Variants in PTPRT observed in about 807,000 individuals in gnomAD.
PTPRT encodes receptor-type tyrosine-protein phosphatase T.
A neutral mutation model predicts 176.8 loss-of-function variants in PTPRT; 56 were observed. That is an observed-to-expected ratio of 0.32 (90% CI 0.26 to 0.40). PTPRT has a LOEUF of 0.40. Among genes scored for constraint, PTPRT ranks in the 10% least tolerant of loss-of-function variants. The pLI is 1.00. For missense variants in PTPRT, 1,540 were observed against 1,908.2 expected (o/e 0.81, Z 3.60); for synonymous variants, 783 against 739.0 (o/e 1.06, Z -0.96).
At chr20:42,132,457 C>G (rs540875013) in intron 18 of PTPRT, among the ~76,000 whole-genome samples, 8 of 152,112 alleles carry the variant, frequency 5.3e-5, no homozygotes, top group Admixed American at 1.3e-4. Flanking sequence ...AAATACACAA[C>G]AAACTCTTAA....
chr20:42,509,072 C>T (rs230167), intron 7 of PTPRT, among the ~76,000 whole-genome samples: 165 of 1,878 alleles, frequency 0.088, 51 homozygotes, highest in African/African-American at 0.64. Flanking sequence ...AGATATAAAT[C>T]ATATAATTTA....
the PTPRT span, among the ~76,000 whole-genome samples, chr20:42,042,380 G>T: frequency 6.6e-6 from 1 of 152,170 alleles, no homozygotes; most frequent in Non-Finnish European, 1.5e-5. Flanking sequence ...AGCCTGCCAG[G>T]ATGCTTTTGC....
chr20:42,102,408 G>A lies in PTPRT; in HGVS notation c.3541-111C>T, dbSNP rs941063714. On this transcript the variant is annotated intron_variant, in intron 25 of 30. Coordinates refer to ENST00000373187, the MANE Select transcript of PTPRT (RefSeq NM_007050.6). ...ACTCGCCTATTTCCACCCTCTAAGC[G>A]CAGCCCCACTCTCCCTTTCCCGGGA... is the stretch of plus-strand genomic sequence containing the variant. The A allele has an allele frequency of 1.5e-4, 175 of 1,145,444 alleles. 2 individuals carry two copies. The highest frequency in any genetic ancestry group is 1.3e-3 in the African/African-American group (82 of 65,134). 71.0% of individuals were successfully genotyped at this position (1,145,444 alleles called of 1,614,324 possible). A position where few individuals can be genotyped will look rare whatever the true frequency, so the allele number is the denominator to read the frequency against.
chr20:42,256,410 T>C (rs910789355), intron 13 of PTPRT, among the ~76,000 whole-genome samples: 1 of 152,108 alleles, frequency 6.6e-6, no homozygotes, highest in Admixed American at 6.6e-5. Flanking sequence ...ATGAACTACT[T>C]TGGCAGTCTT....
At chr20:42,447,797 C>T (rs771946945) in intron 9 of PTPRT, among the ~76,000 whole-genome samples, 1 of 152,180 alleles carries the variant, frequency 6.6e-6, no homozygotes, top group South Asian at 2.1e-4. Context: ...ATCCTGTGTC[C>T]CTGGTGCAGA....
At chr20:42,279,700 C>T (rs895944828) in intron 13 of PTPRT, among the ~76,000 whole-genome samples, 2 of 152,242 alleles carry the variant, frequency 1.3e-5, no homozygotes, top group African/African-American at 4.8e-5. Flanking sequence ...ATGCTGGAGC[C>T]AGGTGTGTGT....
intron 15 of PTPRT, among the ~76,000 whole-genome samples, chr20:42,222,917 T>C (rs2055917637): frequency 6.6e-6 from 1 of 152,136 alleles, no homozygotes; most frequent in South Asian, 2.1e-4. Context: ...TCTTGGGGAA[T>C]GGGGAACAGT....
chr20:42,349,650 C>T (rs994722649), intron 11 of PTPRT, among the ~76,000 whole-genome samples: 5 of 152,138 alleles, frequency 3.3e-5, no homozygotes, highest in Non-Finnish European at 4.4e-5. Flanking sequence ...CCTTGGGCCC[C>T]GCCTCATTCC....
intron 1 of PTPRT, among the ~76,000 whole-genome samples, chr20:43,038,512 C>T (rs1986474824): frequency 6.6e-6 from 1 of 152,092 alleles, no homozygotes. Flanking sequence ...AAACAGTCAT[C>T]ATACTTAATA....
intron 1 of PTPRT, among the ~76,000 whole-genome samples, chr20:42,975,125 T>C (rs1033989282): frequency 6.6e-6 from 1 of 152,096 alleles, no homozygotes; most frequent in Non-Finnish European, 1.5e-5. Flanking sequence ...GGACAAGAGA[T>C]TAAAAAAAAT....
intron 18 of PTPRT, 42 bp from the exon 19 acceptor site, chr20:42,128,872 C>A (rs532234927): frequency 2.7e-6 from 4 of 1,505,994 alleles, no homozygotes; most frequent in African/African-American, 2.8e-5. Flanking sequence ...TGATAAGAGG[C>A]CTTACGCAGC....
intron 15 of PTPRT, among the ~76,000 whole-genome samples, chr20:42,227,037 A>G (rs2146816500): frequency 6.6e-6 from 1 of 152,078 alleles, no homozygotes; most frequent in Admixed American, 6.5e-5. Context: ...CAGTGGTGGG[A>G]AACCCACTTG....
At chr20:42,536,134 G>C (rs1050477353) in intron 7 of PTPRT, among the ~76,000 whole-genome samples, 2 of 152,086 alleles carry the variant, frequency 1.3e-5, no homozygotes, top group African/African-American at 4.8e-5. Context: ...ACAGAAACTT[G>C]AGTGTCCCTG....
intron 7 of PTPRT, among the ~76,000 whole-genome samples, chr20:42,594,480 T>C (rs2073635607): frequency 6.6e-6 from 1 of 152,172 alleles, no homozygotes; most frequent in Non-Finnish European, 1.5e-5. Context: ...TGAATAAACA[T>C]TAATAAAATC....
At chr20:42,342,160 G>T (rs6016753) in intron 11 of PTPRT, among the ~76,000 whole-genome samples, 2,952 of 152,310 alleles carry the variant, frequency 0.019, 103 homozygotes, top group African/African-American at 0.068. Flanking sequence ...CTAGGGTGAT[G>T]TCTTTGGTGG....
chr20:42,804,043 T>G (rs142969499), intron 2 of PTPRT, among the ~76,000 whole-genome samples: 1 of 152,098 alleles, frequency 6.6e-6, no homozygotes, highest in Non-Finnish European at 1.5e-5. Context: ...TAATGACGAC[T>G]CACAGAAATG....
chr20:42,896,000 A>T (rs2079289533), intron 1 of PTPRT, among the ~76,000 whole-genome samples: 1 of 152,186 alleles, frequency 6.6e-6, no homozygotes, highest in South Asian at 2.1e-4. Context: ...GTCTCTGGGA[A>T]CTGGAGGGAG....
intron 7 of PTPRT, among the ~76,000 whole-genome samples, chr20:42,513,405 A>T (rs2145465518): frequency 6.6e-6 from 1 of 152,270 alleles, no homozygotes; most frequent in Middle Eastern, 3.4e-3. Flanking sequence ...TTCTTAATTC[A>T]CACAGATTAA....
intron 9 of PTPRT, among the ~76,000 whole-genome samples, chr20:42,447,194 T>G (rs893443672): frequency 6.6e-6 from 1 of 152,198 alleles, no homozygotes; most frequent in Non-Finnish European, 1.5e-5. Flanking sequence ...GAGCTCTCAG[T>G]GACTTAAGCC....
Sources: allele counts gnomAD v4.1 joint callset (sites outside exome capture counted in the v4.1 genomes callset), GRCh38; gene constraint gnomAD v4.1.1; transcripts MANE v1.5; gene names NCBI Gene and HGNC (gene_info 2026-07-23, HGNC 2026-07-21).